The following GRK1 variants were observed in gnomAD, a reference collection of about 807,000 sequenced individuals.
GRK1 encodes rhodopsin kinase GRK1.
GRK1 carries 28 observed loss-of-function variants against 41.7 expected under a neutral mutation model. That is an observed-to-expected ratio of 0.67 (90% CI 0.50 to 0.92). GRK1 has a LOEUF of 0.92. Ranked by LOEUF, GRK1 falls within the 40% of genes least tolerant of loss-of-function variation. The probability of loss-of-function intolerance (pLI) is 0.00; values close to 1 mark genes in which losing one functional copy is unlikely to be tolerated. For missense variants in GRK1, 703 were observed against 671.2 expected, an observed-to-expected ratio of 1.05 and a Z score of -0.52; for synonymous variants, 327 against 286.7, an observed-to-expected ratio of 1.14 and a Z score of -1.42.
intron 1 of GRK1, among the ~76,000 whole-genome samples, chr13:113,668,436 A>G (rs761206551): frequency 7.2e-5 from 11 of 152,202 alleles, no homozygotes; most frequent in African/African-American, 2.4e-4. Flanking sequence ...ATTCTTTGCC[A>G]TGACTGTGGA....
the GRK1 span, among the ~76,000 whole-genome samples, chr13:113,649,835 A>G: frequency 6.6e-6 from 1 of 152,192 alleles, no homozygotes; most frequent in Non-Finnish European, 1.5e-5. The surrounding 1 kb of genome is among the most constrained non-coding windows in gnomAD (Gnocchi z 4.7). Flanking sequence ...AAGTCTTCGA[A>G]GTGGATATGC....
At chr13:113,653,635 C>T in the GRK1 span, among the ~76,000 whole-genome samples, 1 of 152,330 alleles carries the variant, frequency 6.6e-6, no homozygotes, top group African/African-American at 2.4e-5. Flanking sequence ...GGGAGTTGCC[C>T]CGGCCCTGGA....
Position 113,667,397 on chromosome 13 carries a change from G to A in GRK1, c.11G>A (p.Gly4Glu). The A allele has an allele frequency of 6.3e-7, 1 of 1,576,912 alleles. No homozygotes were observed. Among genetic ancestry groups the A allele is most frequent in the South Asian group, 1.2e-5 (1 of 84,314 alleles). Residue 4 changes from glycine (G) to glutamate (E), a missense_variant, in exon 1 of 7, where the codon GGG (glycine) becomes GAG (glutamate). By Grantham distance (98) the Gly-to-Glu change is moderately conservative. Coordinates refer to ENST00000335678, the MANE Select transcript of GRK1 (RefSeq NM_002929.3). This position sits in a 1 kb window ranked among gnomAD's most constrained non-coding sequence, Gnocchi z 7.5. Reference protein sequence around the residue: MDFGSLETVVANSA... With the variant: MDFESLETVVANSA... The stretch of plus-strand genomic sequence containing the variant: ...GCAGGAAGCTCCGGGATGGATTTCG[G>A]GTCTTTGGAGACCGTGGTGGCCAAC...
chr13:113,654,757 G>T, the GRK1 span: 1 of 1,584,370 alleles, frequency 6.3e-7, no homozygotes, highest in South Asian at 1.2e-5. Context: ...CTCCAGAGCC[G>T]AGGAGGCGGC....
Position 113,735,193 on chromosome 13 carries a change from G to T in GRK1, c.1522G>T (p.Glu508Ter), listed in dbSNP as rs1445028999. 1.3e-6 allele frequency: 2 copies of T among 1,537,050 alleles called. No individual in the cohort carries two copies. Among genetic ancestry groups the T allele is most frequent in the Non-Finnish European group, 1.7e-6 (2 of 1,146,908 alleles). Reference protein sequence around the residue: ...FDKTDTEFFQEFATGNCPIPW... With the variant: ...FDKTDTEFFQ Reference sequence around the variant, plus strand: ...CAAAACAGACACAGAATTCTTTCAGGAATTTGCCACTGGCAACTGCCCCAT... The same window carrying T: ...CAAAACAGACACAGAATTCTTTCAGTAATTTGCCACTGGCAACTGCCCCAT... Residue 508 changes from glutamate (E) to a stop codon, truncating the protein, a stop_gained, in exon 7 of 7, where the codon GAA becomes TAA. Transcript: ENST00000335678. LOFTEE classifies it low-confidence loss of function (END_TRUNC).
chr13:113,657,208 C>G, the GRK1 span, among the ~76,000 whole-genome samples: 4 of 152,082 alleles, frequency 2.6e-5, no homozygotes, highest in Non-Finnish European at 1.5e-5. Flanking sequence ...GGCTCTGGGA[C>G]CCCCAGAGCC....
the GRK1 span, among the ~76,000 whole-genome samples, chr13:113,653,625 G>A: frequency 1.2e-4 from 18 of 152,206 alleles, no homozygotes; most frequent in Admixed American, 3.9e-4. Flanking sequence ...GGTCCCTGCT[G>A]GGAGTTGCCC....
the GRK1 span, chr13:113,650,317 C>G: frequency 7.9e-7 from 1 of 1,272,668 alleles, no homozygotes; most frequent in African/African-American, 1.5e-5. This position sits in a 1 kb window ranked among gnomAD's most constrained non-coding sequence, Gnocchi z 5.0. Context: ...TTTCATTTTT[C>G]TACATGAAGG....
At chr13:113,723,226 G>C (rs1013838589) in intron 4 of GRK1, 69 bp downstream of exon 4, 3 of 647,984 alleles carry the variant, frequency 4.6e-6, no homozygotes, top group Admixed American at 2.1e-5. Flanking sequence ...GTGTGTGCCT[G>C]TGTGCACTTG....
chr13:113,725,169 C>T (rs1471588647), intron 4 of GRK1, among the ~76,000 whole-genome samples: 3 of 109,160 alleles, frequency 2.7e-5, no homozygotes, highest in African/African-American at 4.8e-5. Flanking sequence ...CTGGCACCCT[C>T]GCGCCCTCCC....
At chr13:113,653,420 G>A in the GRK1 span, 2 of 1,614,176 alleles carry the variant, frequency 1.2e-6, no homozygotes, top group South Asian at 2.2e-5. Context: ...TAAACATCCG[G>A]CCTTAAGGTT....
intron 6 of GRK1, chr13:113,734,809 C>G (rs2049990833): frequency 2.6e-6 from 1 of 380,580 alleles, no homozygotes; most frequent in Non-Finnish European, 4.7e-6. Context: ...GGTCCTTTCA[C>G]AAGAAGGCTC....
At chr13:113,659,889 A>G in the GRK1 span, among the ~76,000 whole-genome samples, 1 of 152,170 alleles carries the variant, frequency 6.6e-6, no homozygotes, top group Non-Finnish European at 1.5e-5. Context: ...GGGTCTGACA[A>G]CACCTGGATG....
chr13:113,667,977 G>A lies in GRK1; in HGVS notation c.591G>A (p.Gly197=). 1 of 1,611,028 alleles carries A rather than the reference G, an allele frequency of 6.2e-7. No individual in the cohort carries two copies. Among genetic ancestry groups the A allele is most frequent in the Non-Finnish European group, 8.5e-7 (1 of 1,178,748 alleles). The change falls in exon 1 of 7, where the codon GGG becomes GGA. Residue 197 remains glycine (G), a synonymous_variant. Transcript: ENST00000335678. This position sits in a 1 kb window ranked among gnomAD's most constrained non-coding sequence, Gnocchi z 7.5. The part of the protein sequence containing the change: ...EDWFLDFRVL[G]KGGFGEVSAC... ...GGTTCCTGGACTTCAGGGTCCTAGG[G>A]AAAGGGGGCTTCGGGGAGGTGTCGG...
At position 113,728,397 on chromosome 13, in the gene GRK1, TGAG is replaced by T. The variant is rs746801841; in HGVS notation, c.1070-2818_1070-2816del. ...CCATGGCGAGGAGTACCCATGGCGA[TGAG>T]GAGTACCCATGGTGATGAGGAGTAC... is the stretch of plus-strand genomic sequence containing the variant. On this transcript the variant is annotated intron_variant, in intron 4 of 6. Transcript: ENST00000335678. Among the ~76,000 whole-genome samples the T allele has an allele frequency of 1.5e-4, 19 of 127,968 alleles. 1 individual carries two copies. Among genetic ancestry groups the T allele is most frequent in the East Asian group, 1.5e-3 (6 of 4,064 alleles). The allele number at this position is 127,968 out of a possible 152,430, so 84.0% of individuals were successfully genotyped here.
At chr13:113,733,599 G>C (rs1033316487) in intron 6 of GRK1, among the ~76,000 whole-genome samples, 2 of 151,254 alleles carry the variant, frequency 1.3e-5, no homozygotes, top group East Asian at 1.9e-4. Context: ...GTGTGTGCAT[G>C]TGTGCGCATG....
rs1346959548 is a variant in GRK1, at chr13:113,736,345, T to G, written c.*982T>G. On this transcript the variant is annotated 3_prime_UTR_variant, in exon 7 of 7. Coordinates refer to ENST00000335678, the MANE Select transcript of GRK1 (RefSeq NM_002929.3). ...AGAGCTCCTTGCTGCAACCCCTCTC[T>G]GTGTTCCCAGTAGCAGCAGCACTGG... 6.6e-6 allele frequency: 1 copy of G among 152,226 alleles called. No individual in the cohort carries two copies. The highest frequency in any genetic ancestry group is 2.4e-5 in the African/African-American group (1 of 41,434). The allele number at this position is 152,226 out of a possible 1,614,324, so 9.4% of individuals were successfully genotyped here. A position where few individuals can be genotyped will look rare whatever the true frequency, so the allele number is the denominator to read the frequency against.
chr13:113,664,914 G>C (rs1459645937), upstream of GRK1, among the ~76,000 whole-genome samples: 1 of 152,184 alleles, frequency 6.6e-6, no homozygotes, highest in Admixed American at 6.5e-5. The surrounding 1 kb of genome is among the most constrained non-coding windows in gnomAD (Gnocchi z 5.4). Context: ...TGCTGTGAAG[G>C]GCAGGGCTGG....
At chr13:113,723,247 TGA>T (rs1295096678) in intron 4 of GRK1, 90 bp downstream of exon 4, 23 of 618,664 alleles carry the variant, frequency 3.7e-5, no homozygotes, top group Non-Finnish European at 6.1e-5. Flanking sequence ...CACATACATG[TGA>T]GTTTGTGTAT....
Sources: gnomAD v4.1 joint callset for allele counts (sites outside exome capture counted in the v4.1 genomes callset) on GRCh38, gnomAD v4.1.1 for gene constraint, Gnocchi (gnomAD v3.1) non-coding constraint, MANE v1.5 for transcripts, NCBI Gene and HGNC (gene_info 2026-07-23, HGNC 2026-07-21) for gene names.